Variants in CRYBB2 observed in about 807,000 individuals in gnomAD.
CRYBB2 encodes beta-crystallin B2.
A neutral mutation model predicts 24.3 loss-of-function variants in CRYBB2; 12 were observed. The observed-to-expected ratio is 0.49, with a 90% CI of 0.32 to 0.80. The LOEUF is 0.80. CRYBB2 is among the 30% of genes least tolerant of loss of function. The probability of loss-of-function intolerance (pLI) is 0.04; values close to 1 mark genes in which losing one functional copy is unlikely to be tolerated. For missense variants in CRYBB2, 198 were observed against 268.5 expected, an observed-to-expected ratio of 0.74 and a Z score of 1.83; for synonymous variants, 98 against 101.6, an observed-to-expected ratio of 0.96 and a Z score of 0.21.
At chr22:25,224,849 C>T in intron 2 of CRYBB2, 69 bp from the exon 3 acceptor site, 1 of 873,834 alleles carries the variant, frequency 1.1e-6, no homozygotes. Context: ...AGCTCCCTCC[C>T]CACGTCTACC....
chr22:25,228,265 C>T (rs890913248), intron 4 of CRYBB2, among the ~76,000 whole-genome samples: 1 of 147,090 alleles, frequency 6.8e-6, no homozygotes, highest in African/African-American at 2.5e-5. Flanking sequence ...ACTGCAACTC[C>T]AGAAGGCTCC....
intron 5 of CRYBB2, among the ~76,000 whole-genome samples, chr22:25,231,322 CAGT>C (rs1935527470): frequency 2.8e-4 from 1 of 3,592 alleles, no homozygotes; most frequent in African/African-American, 2.6e-3. Flanking sequence ...GCTCTGACCC[CAGT>C]ACAGTACAGT....
intron 3 of CRYBB2, among the ~76,000 whole-genome samples, chr22:25,225,592 T>C (rs1377749799): frequency 6.6e-6 from 1 of 152,208 alleles, no homozygotes; most frequent in Admixed American, 6.5e-5. Flanking sequence ...GCTCACCTTA[T>C]GTGATGTAGC....
upstream of CRYBB2, among the ~76,000 whole-genome samples, chr22:25,216,170 C>T (rs1280144897): frequency 6.6e-6 from 1 of 152,184 alleles, no homozygotes; most frequent in Non-Finnish European, 1.5e-5. Flanking sequence ...CAAATATTAA[C>T]TGAGGTCTAT....
chr22:25,231,287 A>G (rs541696142), intron 5 of CRYBB2, among the ~76,000 whole-genome samples: 54 of 151,620 alleles, frequency 3.6e-4, no homozygotes, highest in Non-Finnish European at 6.8e-4. Flanking sequence ...TCTAAGCTTC[A>G]GTGAGCTTAA....
upstream of CRYBB2, among the ~76,000 whole-genome samples, chr22:25,218,341 G>A (rs536640275): frequency 6.6e-6 from 1 of 150,800 alleles, no homozygotes; most frequent in Non-Finnish European, 1.5e-5. Context: ...AGGGATCTAA[G>A]AGCAACTCAC....
At chr22:25,212,041 C>T (rs936954541), upstream of CRYBB2, among the ~76,000 whole-genome samples, 8 of 152,152 alleles carry the variant, frequency 5.3e-5, no homozygotes, top group Admixed American at 6.5e-5. Flanking sequence ...AGGTTGTTGC[C>T]GGTAGTAACC....
chr22:25,216,493 G>A (rs957410095), upstream of CRYBB2, among the ~76,000 whole-genome samples: 3 of 152,286 alleles, frequency 2.0e-5, no homozygotes, highest in South Asian at 6.2e-4. Context: ...AACACAAAGG[G>A]CTGGGAGAGA....
chr22:25,221,994 C>T (rs1202513451), intron 2 of CRYBB2, among the ~76,000 whole-genome samples: 1 of 152,362 alleles, frequency 6.6e-6, no homozygotes, highest in East Asian at 1.9e-4. Flanking sequence ...TGCGCATCCA[C>T]CTAACACCAG....
intron 2 of CRYBB2, among the ~76,000 whole-genome samples, chr22:25,221,698 C>T (rs933879132): frequency 6.6e-6 from 1 of 152,254 alleles, no homozygotes; most frequent in Admixed American, 6.5e-5. Flanking sequence ...GTACCAGCCT[C>T]TGGCTTTGGA....
upstream of CRYBB2, among the ~76,000 whole-genome samples, chr22:25,218,652 T>G (rs1156936006): frequency 7.7e-6 from 1 of 129,506 alleles, no homozygotes; most frequent in Non-Finnish European, 1.6e-5. Flanking sequence ...GGTGACAGAG[T>G]GAGATTCCAT....
At chr22:25,218,846 A>AAGAAAGAAAGAAAG (rs1935271668), upstream of CRYBB2, among the ~76,000 whole-genome samples, 1 of 122,220 alleles carries the variant, frequency 8.2e-6, no homozygotes, top group African/African-American at 3.5e-5. Flanking sequence ...AAGAGAAAGA[A>AAGAAAGAAAGAAAG]AGAAAGAAAG....
upstream of CRYBB2, among the ~76,000 whole-genome samples, chr22:25,218,262 A>G (rs1389015918): frequency 6.6e-6 from 1 of 151,152 alleles, no homozygotes; most frequent in Non-Finnish European, 1.5e-5. Flanking sequence ...CCATCTCAAA[A>G]AAAAAAAAAA....
chr22:25,220,905 G>A (rs1432500981), intron 1 of CRYBB2, among the ~76,000 whole-genome samples: 3 of 152,186 alleles, frequency 2.0e-5, no homozygotes, highest in African/African-American at 4.8e-5. Flanking sequence ...ACCAGGATGG[G>A]GAGAGGAGTC....
At chr22:25,227,592 T>C (rs1474371088) in intron 3 of CRYBB2, among the ~76,000 whole-genome samples, 2 of 150,452 alleles carry the variant, frequency 1.3e-5, no homozygotes, top group Non-Finnish European at 3.0e-5. Context: ...TATATTGGTA[T>C]TTGTTGCTGG....
chr22:25,217,254 T>C (rs1408279990), upstream of CRYBB2, among the ~76,000 whole-genome samples: 1 of 152,162 alleles, frequency 6.6e-6, no homozygotes, highest in African/African-American at 2.4e-5. Context: ...ATTTCTGTTG[T>C]TTTTAAGCCA....
chr22:25,218,129 G>T (rs145929833), upstream of CRYBB2, among the ~76,000 whole-genome samples: 3 of 150,984 alleles, frequency 2.0e-5, no homozygotes, highest in South Asian at 6.5e-4. Context: ...CGTGTTGGCG[G>T]GCGCCTGTAG....
At chr22:25,220,624 T>C (rs1324249659) in intron 1 of CRYBB2, among the ~76,000 whole-genome samples, 1 of 152,176 alleles carries the variant, frequency 6.6e-6, no homozygotes, top group Non-Finnish European at 1.5e-5. Flanking sequence ...TGGCGTTATC[T>C]CTGAAGAGGG....
chr22:25,222,240 GC>G (rs1367506127), intron 2 of CRYBB2, among the ~76,000 whole-genome samples: 2 of 152,220 alleles, frequency 1.3e-5, no homozygotes, highest in African/African-American at 4.8e-5. Flanking sequence ...AGCAGATACA[GC>G]CCCTCACCTG....
Sources: allele counts gnomAD v4.1 joint callset (sites outside exome capture counted in the v4.1 genomes callset), GRCh38; gene constraint gnomAD v4.1.1; transcripts MANE v1.5; gene names NCBI Gene and HGNC (gene_info 2026-07-23, HGNC 2026-07-21).